The following ABHD1 variants were observed in gnomAD, a reference collection of about 807,000 sequenced individuals.
ABHD1 encodes the protein abhydrolase domain containing 1, also known as protein ABHD1.
A neutral mutation model predicts 41.4 loss-of-function variants in ABHD1; 47 were observed. That is an observed-to-expected ratio of 1.13 (90% CI 0.90 to 1.45). The LOEUF is 1.45. Ranked by LOEUF, ABHD1 falls within the 40% of genes most tolerant of loss-of-function variation. The pLI is 0.00. For missense variants in ABHD1, 550 were observed against 503.4 expected, an observed-to-expected ratio of 1.09 and a Z score of -0.89; for synonymous variants, 205 against 203.7, an observed-to-expected ratio of 1.01 and a Z score of -0.05.
rs1194636186 is a variant in ABHD1 at position 27,129,769 on chromosome 2, T to C, written c.633T>C (p.Asn211=). The change falls in exon 6 of 9, where the codon AAT becomes AAC. Residue 211 remains asparagine, a synonymous_variant. Coordinates refer to ENST00000316470, the MANE Select transcript of ABHD1 (RefSeq NM_032604.4). The part of the protein sequence containing the change: ...GISFGGILVL[N]HLAQARQAAG... ...AATTCCACAGGATACTGGTGCTGAA[T>C]CACCTGGCACAGGCCAGGCAGGCTG... is the stretch of plus-strand genomic sequence containing the variant. The C allele has an allele frequency of 6.2e-7, 1 of 1,614,050 alleles. No homozygotes were observed. Among genetic ancestry groups the C allele is most frequent in the East Asian group, 2.2e-5 (1 of 44,898 alleles).
rs769876653 is a variant in ABHD1 at position 27,130,427 on chromosome 2, T to C, written c.1006+11T>C. The C allele has an allele frequency of 1.3e-5, 21 of 1,613,998 alleles. No homozygotes were observed. In the Middle Eastern group the frequency reaches 4.9e-4, roughly 38 times the overall value. ...TCTCCCCCGTCTGTGGTGAGTACTC[T>C]GATTCAGGACACTTTGGCCCCAAGG... On this transcript the variant is annotated intron_variant, in intron 8 of 8. Coordinates refer to ENST00000316470, the MANE Select transcript of ABHD1 (RefSeq NM_032604.4).
Position 27,130,791 on chromosome 2 carries a change from A to T in ABHD1, c.*47A>T. The stretch of plus-strand genomic sequence containing the variant: ...CAGTTCACTCTTTCCTTGTTTATTA[A>T]ATATCAACTTTTCCTGCCTAATGGG... On this transcript the variant is annotated 3_prime_UTR_variant, in exon 9 of 9. Transcript: ENST00000316470. 1 of 1,586,102 alleles carries T rather than the reference A, an allele frequency of 6.3e-7. No individual in the cohort carries two copies. The highest frequency in any genetic ancestry group is 1.7e-4 in the Middle Eastern group (1 of 5,736).
rs369269441 is a variant in ABHD1 at position 27,129,343 on chromosome 2, C to T, written c.486C>T (p.Cys162=). 1.9e-6 allele frequency: 3 copies of T among 1,614,042 alleles called. No homozygotes were observed. The highest frequency in any genetic ancestry group is 2.5e-6 in the Non-Finnish European group (3 of 1,180,038). Residue 162 remains cysteine (C), a synonymous_variant, in exon 4 of 9, where the codon TGC becomes TGT. Coordinates refer to ENST00000316470, the MANE Select transcript of ABHD1 (RefSeq NM_032604.4). ...CTGTCGTGTTTAACAACCGGGGCTG[C>T]CGTGGGGAGGAACTGCGGGTGAGTA... ...YQAVVFNNRG[C]RGEELRTHRA...
intron 1 of ABHD1, 165 bp downstream of exon 1, chr2:27,124,227 T>C: frequency 7.0e-6 from 5 of 714,914 alleles, no homozygotes; most frequent in Non-Finnish European, 1.3e-5. Flanking sequence ...TGCCTCTGCA[T>C]CCCATGTGAT....
intron 2 of ABHD1, 80 bp from the exon 3 acceptor site, chr2:27,128,864 GT>G (rs1311637439): frequency 8.1e-6 from 12 of 1,487,000 alleles, no homozygotes; most frequent in Non-Finnish European, 1.1e-5. Flanking sequence ...AGACTTGTTT[GT>G]GGGTGGGGCA....
intron 4 of ABHD1, 61 bp from the exon 5 acceptor site, chr2:27,129,452 GT>G: frequency 6.2e-7 from 1 of 1,612,070 alleles, no homozygotes; most frequent in South Asian, 1.1e-5. Flanking sequence ...TCCTTCCTCA[GT>G]TTCCCCTCCA....
intron 1 of ABHD1, among the ~76,000 whole-genome samples, chr2:27,128,000 G>A (rs551696969): frequency 8.8e-4 from 134 of 152,186 alleles, no homozygotes; most frequent in Non-Finnish European, 1.7e-3. Flanking sequence ...CCAGGCTAGA[G>A]TACAGTGGTG....
chr2:27,129,197 C>G, intron 3 of ABHD1, 70 bp downstream of exon 3: 1 of 1,590,982 alleles, frequency 6.3e-7, no homozygotes, highest in South Asian at 1.1e-5. Context: ...TCAATCCGGA[C>G]ACTGATAGAT....
At chr2:27,124,784 AGT>A (rs1671889393) in intron 1 of ABHD1, 3 of 159,660 alleles carry the variant, frequency 1.9e-5, no homozygotes, top group African/African-American at 7.2e-5. Flanking sequence ...AGGAGACTTT[AGT>A]GTTACCTAGA....
At chr2:27,128,797 C>T (rs1672086130) in intron 2 of ABHD1, 148 bp from the exon 3 acceptor site, 7 of 1,198,800 alleles carry the variant, frequency 5.8e-6, no homozygotes, top group Admixed American at 2.5e-5. Flanking sequence ...CACACATTGT[C>T]AAGCCTTACT....
At chr2:27,129,701 C>T in intron 5 of ABHD1, 53 bp from the exon 6 acceptor site, 1 of 1,610,758 alleles carries the variant, frequency 6.2e-7, no homozygotes, top group Non-Finnish European at 8.5e-7. Context: ...TCCTCTGTCC[C>T]AACCCACATT....
In ABHD1 at chr2:27,128,984, A is replaced by C. The variant is rs1368867223; in HGVS notation, c.315A>C (p.Leu105=). 1 of 1,614,174 alleles carries C rather than the reference A, an allele frequency of 6.2e-7. No individual in the cohort carries two copies. Among genetic ancestry groups the C allele is most frequent in the East Asian group, 2.2e-5 (1 of 44,892 alleles). ...LQTPDGGQLL[L]DWAKQPDSSQ... ...CACCAGATGGAGGCCAGCTCCTGCT[A>C]GACTGGGCCAAGCAGCCTGACAGCA... is the stretch of plus-strand genomic sequence containing the variant. The change falls in exon 3 of 9, where the codon CTA becomes CTC. Residue 105 remains leucine (L), a synonymous_variant. Coordinates refer to ENST00000316470, the MANE Select transcript of ABHD1 (RefSeq NM_032604.4).
rs1558473922 is a variant in ABHD1, at chr2:27,128,439, AG to A, written c.115-1del. On this transcript the variant is annotated splice_acceptor_variant, in intron 1 of 8. Coordinates refer to ENST00000316470, the MANE Select transcript of ABHD1 (RefSeq NM_032604.4). LOFTEE classifies it high-confidence loss of function. ...GTGGGGCAGACTGCTGTGTGATTAC[AG>A]AGGCCTCGGCTGGTGGCTGGGCCGC... The A allele has an allele frequency of 6.2e-7, 1 of 1,613,994 alleles. No individual in the cohort carries two copies. Among genetic ancestry groups the A allele is most frequent in the South Asian group, 1.1e-5 (1 of 91,084 alleles).
rs770862474 is a variant in ABHD1 at position 27,130,626 on chromosome 2, C to A, written c.1100C>A (p.Pro367Gln). ...ATCGGCTTCCTGGAAGGGCTGCTCCCGTGGCAGCACTGGTACATGAGCCGC... is the reference window on the plus strand; with the variant it reads ...ATCGGCTTCCTGGAAGGGCTGCTCCAGTGGCAGCACTGGTACATGAGCCGC... ...GHIGFLEGLL[P>Q]WQHWYMSRLL... Residue 367 changes from proline (P) to glutamine (Q), a missense_variant, in exon 9 of 9, where the codon CCG (proline) becomes CAG (glutamine). Coordinates refer to ENST00000316470, the MANE Select transcript of ABHD1 (RefSeq NM_032604.4). 3 of 1,614,056 alleles carry A rather than the reference C, an allele frequency of 1.9e-6. No individual in the cohort carries two copies. In the African/African-American group the frequency reaches 4.0e-5, roughly 22 times the overall value.
intron 1 of ABHD1, chr2:27,125,781 AT>A (rs1671933867): frequency 6.6e-6 from 1 of 151,970 alleles, no homozygotes; most frequent in Non-Finnish European, 1.5e-5. Flanking sequence ...CAAGCCTGTC[AT>A]CCCAGCCACT....
chr2:27,130,097 T>C lies in ABHD1; in HGVS notation c.792-8T>C. Reference sequence around the variant, plus strand: ...GGTGTCAAGCCAAACTCTTATGTACTTTTGCAGAAACAGAAAGGTGATTGA... The same window carrying C: ...GGTGTCAAGCCAAACTCTTATGTACCTTTGCAGAAACAGAAAGGTGATTGA... On this transcript the variant is annotated splice_polypyrimidine_tract_variant and splice_region_variant and intron_variant, in intron 6 of 8. Transcript: ENST00000316470. 1 of 1,614,190 alleles carries C rather than the reference T, an allele frequency of 6.2e-7. No individual in the cohort carries two copies. Among genetic ancestry groups the C allele is most frequent in the Non-Finnish European group, 8.5e-7 (1 of 1,180,034 alleles).
intron 2 of ABHD1, 53 bp from the exon 3 acceptor site, chr2:27,128,892 A>C: frequency 6.4e-7 from 1 of 1,570,218 alleles, no homozygotes; most frequent in Non-Finnish European, 8.7e-7. Context: ...AAAGCTTTTG[A>C]ATTACATTAA....
At chr2:27,127,546 T>C (rs1260017763) in intron 1 of ABHD1, among the ~76,000 whole-genome samples, 1 of 78,922 alleles carries the variant, frequency 1.3e-5, no homozygotes, top group Admixed American at 1.5e-4. Flanking sequence ...AGAGCGAGAC[T>C]CTGTCTCAAA....
At position 27,129,126 on chromosome 2, in the gene ABHD1, C is replaced by A; in HGVS notation, c.457C>A (p.Gln153Lys). Residue 153 changes from glutamine (Q) to lysine (K), a missense_variant and splice_region_variant, in exon 3 of 9, where the codon CAG (glutamine) becomes AAG (lysine). Physicochemically the swap from Gln to Lys is moderately conservative, Grantham distance 53. Coordinates refer to ENST00000316470, the MANE Select transcript of ABHD1 (RefSeq NM_032604.4). ...TAACCAAGCTCTGAGGGATGGCTACCAGTAAGGATGGGTGCAGCCCCAGAG... is the reference window on the plus strand; with the variant it reads ...TAACCAAGCTCTGAGGGATGGCTACAAGTAAGGATGGGTGCAGCCCCAGAG... ...LVNQALRDGY[Q>K]AVVFNNRGCR... 2 of 1,612,196 alleles carry A rather than the reference C, an allele frequency of 1.2e-6. No homozygotes were observed. The highest frequency in any genetic ancestry group is 1.7e-6 in the Non-Finnish European group (2 of 1,179,352).
Sources: allele counts gnomAD v4.1 joint callset (sites outside exome capture counted in the v4.1 genomes callset), GRCh38; gene constraint gnomAD v4.1.1; transcripts MANE v1.5; gene names NCBI Gene and HGNC (gene_info 2026-07-23, HGNC 2026-07-21).